Variants in OR3A2 observed in about 807,000 individuals in gnomAD.
The protein encoded by OR3A2 is olfactory receptor 3A2.
For synonymous variants in OR3A2, 126 were observed against 159.3 expected, an observed-to-expected ratio of 0.79 and a Z score of 1.57; for missense variants, 318 against 392.8, an observed-to-expected ratio of 0.81 and a Z score of 1.61.
At chr17:3,343,237 C>T (rs146973034) in intron 2 of OR3A2, among the ~76,000 whole-genome samples, 1,553 of 152,326 alleles carry the variant, frequency 0.01, 9 homozygotes, top group Admixed American at 0.017. Flanking sequence ...CCCTGCCCTG[C>T]TTCGGCTCAC....
intron 1 of OR3A2, among the ~76,000 whole-genome samples, chr17:3,281,467 C>A (rs949438484): frequency 6.6e-6 from 1 of 152,016 alleles, no homozygotes; most frequent in Non-Finnish European, 1.5e-5. Context: ...ATCTCTTGAC[C>A]TTGTGATCCA....
intron 3 of OR3A2, among the ~76,000 whole-genome samples, chr17:3,334,303 C>T (rs932513317): frequency 6.6e-6 from 1 of 152,178 alleles, no homozygotes; most frequent in Non-Finnish European, 1.5e-5. Context: ...CCCCTGCCTT[C>T]CACCTACCAT....
intron 3 of OR3A2, among the ~76,000 whole-genome samples, chr17:3,323,312 A>G (rs1053718313): frequency 3.3e-5 from 5 of 151,978 alleles, no homozygotes; most frequent in Non-Finnish European, 5.9e-5. Context: ...TCTTTATCCA[A>G]TTTGCCAGTC....
In OR3A2 at chr17:3,329,580, C is replaced by T. The variant is rs1084908; in HGVS notation, c.-85+6453G>A. 3.5e-3 allele frequency among the ~76,000 whole-genome samples: 469 copies of T among 135,402 alleles called. 6 individuals carry two copies. Among genetic ancestry groups the T allele is most frequent in the African/African-American group, 0.013 (431 of 34,070 alleles). 88.8% of individuals were successfully genotyped at this position (135,402 alleles called of 152,430 possible). On this transcript the variant is annotated intron_variant, in intron 3 of 4. Transcript: ENST00000573491. ...ATATCCCCTTTATCATTTTTTATTG[C>T]GTCTATTTGATTCTTCTCTCTTTTT...
intron 3 of OR3A2, chr17:3,291,499 T>C: frequency 3.1e-6 from 2 of 645,930 alleles, no homozygotes; most frequent in African/African-American, 1.8e-5. Flanking sequence ...AAATGAAAAC[T>C]ATTATTCCCT....
chr17:3,309,625 C>T (rs1272915187), intron 3 of OR3A2, among the ~76,000 whole-genome samples: 1 of 152,122 alleles, frequency 6.6e-6, no homozygotes, highest in Non-Finnish European at 1.5e-5. Context: ...CGGAGAAATG[C>T]AATGTAATAT....
intron 3 of OR3A2, chr17:3,291,918 A>T: frequency 6.2e-7 from 1 of 1,614,222 alleles, no homozygotes; most frequent in Non-Finnish European, 8.5e-7. Context: ...TGCCACGTGG[A>T]TATAGGAGAT....
chr17:3,285,028 C>CT (rs1209889257), upstream of OR3A2, among the ~76,000 whole-genome samples: 2 of 152,056 alleles, frequency 1.3e-5, no homozygotes, highest in Non-Finnish European at 2.9e-5. Flanking sequence ...GACACTTGGA[C>CT]TGTGTCTTGG....
intron 1 of OR3A2, among the ~76,000 whole-genome samples, chr17:3,281,782 C>G (rs1359729355): frequency 6.6e-6 from 1 of 152,154 alleles, no homozygotes; most frequent in African/African-American, 2.4e-5. Flanking sequence ...TTTCCAGCCT[C>G]GATTTCCAAC....
At chr17:3,327,802 A>G (rs999425696) in intron 3 of OR3A2, among the ~76,000 whole-genome samples, 9 of 139,198 alleles carry the variant, frequency 6.5e-5, no homozygotes, top group African/African-American at 1.2e-4. Context: ...AGCACCATTT[A>G]TTAAATAGGG....
chr17:3,312,644 A>G (rs804226), intron 3 of OR3A2, among the ~76,000 whole-genome samples: 61,556 of 151,998 alleles, frequency 0.4, 12,813 homozygotes, highest in Admixed American at 0.52. Context: ...TTTATTTATG[A>G]GATGGAGTTT....
At chr17:3,372,175 C>T (rs1294745087) in intron 2 of OR3A2, among the ~76,000 whole-genome samples, 2 of 151,204 alleles carry the variant, frequency 1.3e-5, no homozygotes, top group Non-Finnish European at 2.9e-5. Flanking sequence ...GTGCTCCTCA[C>T]ATCCCAGACG....
At chr17:3,278,097 T>A (rs776462481) in exon 2 of OR3A2, 1 of 1,614,212 alleles carries the variant, frequency 6.2e-7, no homozygotes, top group South Asian at 1.1e-5. Flanking sequence ...AACCCCTTTA[T>A]CCTTGTCTGA....
intron 3 of OR3A2, among the ~76,000 whole-genome samples, chr17:3,333,919 C>T (rs1253342632): frequency 6.6e-6 from 1 of 151,924 alleles, no homozygotes; most frequent in Non-Finnish European, 1.5e-5. Flanking sequence ...AAAAAAACAA[C>T]CAACCCCATC....
At chr17:3,278,021 A>C in exon 2 of OR3A2, 1 of 1,609,472 alleles carries the variant, frequency 6.2e-7, no homozygotes, top group South Asian at 1.1e-5. Context: ...CACCCTGAAC[A>C]TCAGGGTTTC....
At chr17:3,335,103 A>G (rs1463146085) in intron 3 of OR3A2, among the ~76,000 whole-genome samples, 4 of 152,080 alleles carry the variant, frequency 2.6e-5, no homozygotes, top group Non-Finnish European at 4.4e-5. Context: ...TCTGTTAAAT[A>G]TGTTTTCATT....
intron 2 of OR3A2, among the ~76,000 whole-genome samples, chr17:3,362,365 C>A (rs879468582): frequency 3.3e-5 from 5 of 151,562 alleles, no homozygotes; most frequent in Admixed American, 2.0e-4. Flanking sequence ...TTCAAAAAAA[C>A]CAGCTCCTGG....
At chr17:3,310,692 G>GC in intron 3 of OR3A2, 1 of 545,006 alleles carries the variant, frequency 1.8e-6, no homozygotes, top group Non-Finnish European at 3.7e-6. Context: ...CCGCTATCTG[G>GC]CCATCTGCCA....
chr17:3,347,307 A>G (rs1002706992), intron 2 of OR3A2, among the ~76,000 whole-genome samples: 2 of 152,162 alleles, frequency 1.3e-5, no homozygotes, highest in East Asian at 1.9e-4. Flanking sequence ...GGTTAGTTAC[A>G]TATGTATACA....
Sources: gnomAD v4.1 joint callset for allele counts (sites outside exome capture counted in the v4.1 genomes callset) on GRCh38, gnomAD v4.1.1 for gene constraint, MANE v1.5 for transcripts, NCBI Gene and HGNC (gene_info 2026-07-23, HGNC 2026-07-21) for gene names.